The following ERBB4 variants were observed in gnomAD, a reference collection of about 807,000 sequenced individuals.
ERBB4 encodes the protein erb-b2 receptor tyrosine kinase 4.
In ERBB4, 42 loss-of-function variants were observed where a neutral mutation model predicts 158.0. That is an observed-to-expected ratio of 0.27 (90% CI 0.21 to 0.34). The LOEUF (loss-of-function observed/expected upper bound fraction) is 0.34, where lower values mean the gene tolerates loss of function less well. ERBB4 is among the 10% of genes least tolerant of loss of function. The pLI is 1.00. For synonymous variants in ERBB4, 583 were observed against 558.7 expected (o/e 1.04, Z -0.61); for missense variants, 1,333 against 1,624.1 (o/e 0.82, Z 3.08).
chr2:211,566,473 C>T (rs1002976500), intron 19 of ERBB4, among the ~76,000 whole-genome samples: 11 of 152,100 alleles, frequency 7.2e-5, no homozygotes, highest in Non-Finnish European at 1.5e-4. Flanking sequence ...TTCATGTGGC[C>T]TCGTCTGGAT....
intron 25 of ERBB4, among the ~76,000 whole-genome samples, chr2:211,415,533 A>G (rs1417614264): frequency 6.6e-6 from 1 of 152,216 alleles, no homozygotes; most frequent in East Asian, 1.9e-4. Flanking sequence ...CTTACAGGAG[A>G]GACCAAAGAT....
chr2:212,140,422 T>TTTTA (rs2080418321), intron 1 of ERBB4, among the ~76,000 whole-genome samples: 1 of 146,892 alleles, frequency 6.8e-6, no homozygotes, highest in African/African-American at 2.5e-5. Context: ...TATATATATG[T>TTTTA]TATATATATA....
At chr2:211,466,770 T>G (rs1275723308) in intron 20 of ERBB4, among the ~76,000 whole-genome samples, 2 of 152,156 alleles carry the variant, frequency 1.3e-5, no homozygotes, top group Admixed American at 6.6e-5. Context: ...GATATTCTTA[T>G]TATCTGAAAT....
intron 3 of ERBB4, among the ~76,000 whole-genome samples, chr2:211,808,340 C>T (rs2076667919): frequency 6.6e-6 from 1 of 152,154 alleles, no homozygotes; most frequent in African/African-American, 2.4e-5. Flanking sequence ...CAGCTTTCTA[C>T]ATATGGCTAG....
chr2:211,646,234 C>G (rs1162081280), intron 16 of ERBB4, among the ~76,000 whole-genome samples: 2 of 151,268 alleles, frequency 1.3e-5, no homozygotes, highest in Admixed American at 6.6e-5. Flanking sequence ...ATATACATTT[C>G]TATTTAATAC....
At chr2:212,341,865 T>C (rs1020205012) in intron 1 of ERBB4, among the ~76,000 whole-genome samples, 2 of 152,202 alleles carry the variant, frequency 1.3e-5, no homozygotes, top group African/African-American at 4.8e-5. Context: ...TAGAAGATGC[T>C]GTGAATCCTC....
chr2:211,963,835 A>G (rs545864468), intron 2 of ERBB4, among the ~76,000 whole-genome samples: 20 of 152,264 alleles, frequency 1.3e-4, no homozygotes, highest in African/African-American at 4.3e-4. Flanking sequence ...TTCTTCTTTA[A>G]TCTCTGAGAA....
At chr2:211,555,805 C>T (rs557621053) in intron 20 of ERBB4, among the ~76,000 whole-genome samples, 1 of 152,198 alleles carries the variant, frequency 6.6e-6, no homozygotes, top group Non-Finnish European at 1.5e-5. Context: ...ACCTGCCTTA[C>T]AAGAGCTCCT....
chr2:211,384,858 A>G (rs1271103214), intron 27 of ERBB4, among the ~76,000 whole-genome samples: 3 of 152,134 alleles, frequency 2.0e-5, no homozygotes, highest in Non-Finnish European at 4.4e-5. Context: ...GTACGGATCA[A>G]TCTAATAAAT....
intron 1 of ERBB4, among the ~76,000 whole-genome samples, chr2:212,159,537 C>A (rs942670277): frequency 3.3e-5 from 5 of 151,780 alleles, no homozygotes; most frequent in Admixed American, 6.6e-5. Context: ...CATCTAAATG[C>A]CAGCCTGGGT....
At chr2:212,094,123 T>C (rs2078859005) in intron 2 of ERBB4, among the ~76,000 whole-genome samples, 1 of 152,020 alleles carries the variant, frequency 6.6e-6, no homozygotes, top group African/African-American at 2.4e-5. Flanking sequence ...GTCCCCTATG[T>C]TGAGGTGGGG....
chr2:212,440,421 A>C (rs1261917237), intron 1 of ERBB4, among the ~76,000 whole-genome samples: 1 of 152,186 alleles, frequency 6.6e-6, no homozygotes, highest in Non-Finnish European at 1.5e-5. Context: ...TGGTACTCGG[A>C]CTGGCTGTCC....
intron 2 of ERBB4, among the ~76,000 whole-genome samples, chr2:212,119,279 T>G (rs1243393412): frequency 1.3e-5 from 2 of 152,182 alleles, no homozygotes; most frequent in African/African-American, 2.4e-5. Flanking sequence ...TTTCATAGTA[T>G]ACTTCTTTAC....
chr2:212,152,821 G>C (rs1036779527), intron 1 of ERBB4, among the ~76,000 whole-genome samples: 1 of 152,148 alleles, frequency 6.6e-6, no homozygotes, highest in African/African-American at 2.4e-5. Context: ...ACCACCAATA[G>C]CACTTAGCTA....
chr2:211,476,623 T>A (rs191181446), intron 20 of ERBB4, among the ~76,000 whole-genome samples: 1 of 150,664 alleles, frequency 6.6e-6, no homozygotes, highest in Non-Finnish European at 1.5e-5. Flanking sequence ...TCCTAATGAA[T>A]CAATGGATTT....
intron 13 of ERBB4, among the ~76,000 whole-genome samples, chr2:211,675,810 A>ATATATATATAT (rs61556310): frequency 7.0e-6 from 1 of 143,504 alleles, no homozygotes; most frequent in African/African-American, 2.5e-5. Flanking sequence ...ATATATATAT[A>ATATATATATAT]ACAAATAGGC....
At chr2:211,682,029 C>A (rs1234591907) in intron 12 of ERBB4, among the ~76,000 whole-genome samples, 1 of 144,654 alleles carries the variant, frequency 6.9e-6, no homozygotes, top group Non-Finnish European at 1.5e-5. Flanking sequence ...AAACCAGAAC[C>A]ATTAAGACAT....
chr2:212,180,856 T>C (rs2081836598), intron 1 of ERBB4, among the ~76,000 whole-genome samples: 2 of 151,686 alleles, frequency 1.3e-5, no homozygotes, highest in Admixed American at 6.6e-5. Flanking sequence ...TACTGACAAG[T>C]AGTTATGGCC....
intron 3 of ERBB4, among the ~76,000 whole-genome samples, chr2:211,899,549 T>G (rs932819378): frequency 2.6e-5 from 4 of 152,146 alleles, no homozygotes; most frequent in Non-Finnish European, 5.9e-5. Flanking sequence ...AGTAATACTT[T>G]CTTGTCAAGC....
Sources: allele counts gnomAD v4.1 joint callset (sites outside exome capture counted in the v4.1 genomes callset), GRCh38; gene constraint gnomAD v4.1.1; transcripts MANE v1.5; gene names NCBI Gene and HGNC (gene_info 2026-07-23, HGNC 2026-07-21).